PELI1: variants seen among roughly 807,000 people sequenced by gnomAD.
PELI1 encodes the protein pellino E3 ubiquitin protein ligase 1.
In PELI1, 15 loss-of-function variants were observed where a neutral mutation model predicts 41.3. The ratio of observed to expected loss-of-function variants is 0.36; its 90% CI spans 0.24 to 0.56. PELI1 has a LOEUF of 0.56. Among genes scored for constraint, PELI1 ranks in the 20% least tolerant of loss-of-function variants. PELI1 has a pLI of 0.82. For synonymous variants in PELI1, 178 were observed against 180.1 expected (o/e 0.99, Z 0.09); for missense variants, 403 against 525.5 (o/e 0.77, Z 2.28).
chr2:64,117,111 G>C (rs1681022105), intron 1 of PELI1, among the ~76,000 whole-genome samples: 1 of 151,802 alleles, frequency 6.6e-6, no homozygotes, highest in Non-Finnish European at 1.5e-5. Context: ...CTATTTCCTG[G>C]GACACAATAT....
chr2:64,095,128 T>A lies in PELI1; in HGVS notation c.831A>T (p.Ala277=), dbSNP rs774199428. ...HLEALRQEIN[A]ARPQCPVGFN... is the part of the protein sequence containing the mutation. The stretch of plus-strand genomic sequence containing the variant: ...ACCCTACAGGGCACTGAGGTCGTGC[T>A]GCATTGATTTCCTGTCTTAAAGCTT... Residue 277 remains alanine, a synonymous_variant, in exon 7 of 7, where the codon GCA becomes GCT. Transcript: ENST00000358912. The A allele has an allele frequency of 6.2e-7, 1 of 1,614,226 alleles. No individual in the cohort carries two copies. Among genetic ancestry groups the A allele is most frequent in the Admixed American group, 1.7e-5 (1 of 60,034 alleles).
chr2:64,112,729 C>T (rs1466705340), intron 1 of PELI1, among the ~76,000 whole-genome samples: 1 of 151,976 alleles, frequency 6.6e-6, no homozygotes, highest in Non-Finnish European at 1.5e-5. Flanking sequence ...ATAAATGACC[C>T]AAGATAGTTT....
rs1682025413 is a variant in PELI1 at position 64,144,129 on chromosome 2, G to A, written c.-118C>T. The A allele has an allele frequency of 6.6e-6, 1 of 152,088 alleles. No homozygotes were observed. The highest frequency in any genetic ancestry group is 6.5e-5 in the Admixed American group (1 of 15,286). 9.4% of individuals were successfully genotyped at this position (152,088 alleles called of 1,614,324 possible). A position where few individuals can be genotyped will look rare whatever the true frequency, so the allele number is the denominator to read the frequency against. ...TCCCAGAGCGGCCCCCGAGACCCGA[G>A]GCGAGAGGGTGAAGTGTTGTGCGCG... On this transcript the variant is annotated 5_prime_UTR_variant, in exon 1 of 7. Transcript: ENST00000358912.
intron 1 of PELI1, among the ~76,000 whole-genome samples, chr2:64,142,185 A>G (rs72893175): frequency 0.023 from 3,473 of 152,254 alleles, 113 homozygotes; most frequent in African/African-American, 0.077. Flanking sequence ...TAACCACTTC[A>G]CTACATGCAA....
Position 64,096,830 on chromosome 2 carries a change from C to T in PELI1, c.304-220G>A, listed in dbSNP as rs141465563. Among the ~76,000 whole-genome samples the T allele has an allele frequency of 1.2e-4, 19 of 152,272 alleles. No homozygotes were observed. The East Asian group carries it at 3.7e-3, about 29-fold the overall frequency. ...GAGCATGGAATTAAATGAGAACTTA[C>T]AATAATATACGAAACCCTTAGGGAA... On this transcript the variant is annotated intron_variant, in intron 4 of 6. Transcript: ENST00000358912.
chr2:64,125,784 G>A (rs531366315), intron 1 of PELI1, among the ~76,000 whole-genome samples: 1 of 152,262 alleles, frequency 6.6e-6, no homozygotes, highest in East Asian at 1.9e-4. Flanking sequence ...ATCTGAATCC[G>A]CAAAATGCTC....
intron 4 of PELI1, among the ~76,000 whole-genome samples, chr2:64,097,173 T>A (rs563771306): frequency 6.6e-6 from 1 of 152,330 alleles, no homozygotes. Context: ...GTATACTTCA[T>A]ATATTTTCTT....
At chr2:64,131,315 T>TAC (rs1456856322) in intron 1 of PELI1, among the ~76,000 whole-genome samples, 1 of 151,058 alleles carries the variant, frequency 6.6e-6, no homozygotes, top group East Asian at 1.9e-4. Context: ...TATATATATA[T>TAC]ACACACATAT....
Position 64,095,057 on chromosome 2 carries a change from T to C in PELI1, c.902A>G (p.Asp301Gly). 6.2e-7 allele frequency: 1 copy of C among 1,614,250 alleles called. No homozygotes were observed. Among genetic ancestry groups the C allele is most frequent in the Non-Finnish European group, 8.5e-7 (1 of 1,180,022 alleles). ...TAGATATACCCATGGTTGTTTTTCA[T>C]CTACAACGTCTTTCCTCTTCATACT... is the stretch of plus-strand genomic sequence containing the variant. ...FPSMKRKDVV[D>G]EKQPWVYLNC... is the part of the protein sequence containing the mutation. The change falls in exon 7 of 7, where the codon GAT becomes GGT. Residue 301 changes from aspartate (D) to glycine (G), a missense_variant. Physicochemically the swap from Asp to Gly is moderately conservative, Grantham distance 94 (BLOSUM62 -1). Transcript: ENST00000358912.
intron 1 of PELI1, among the ~76,000 whole-genome samples, chr2:64,124,057 G>A (rs997068398): frequency 5.3e-5 from 8 of 152,208 alleles, no homozygotes; most frequent in Non-Finnish European, 1.0e-4. Flanking sequence ...CATATTGTAT[G>A]ATTCCATTTA....
chr2:64,117,415 G>C (rs529988833), intron 1 of PELI1, among the ~76,000 whole-genome samples: 1 of 151,462 alleles, frequency 6.6e-6, no homozygotes, highest in African/African-American at 2.4e-5. Flanking sequence ...AAGAAACATT[G>C]CACTTAGTTT....
At chr2:64,095,675 C>T (rs1224116369) in intron 6 of PELI1, among the ~76,000 whole-genome samples, 1 of 151,740 alleles carries the variant, frequency 6.6e-6, no homozygotes, top group African/African-American at 2.4e-5. Flanking sequence ...TACTAAAATG[C>T]TCTTGTTGCC....
chr2:64,094,291 T>C lies in PELI1; in HGVS notation c.*411A>G, dbSNP rs1429912457. On this transcript the variant is annotated 3_prime_UTR_variant, in exon 7 of 7. Transcript: ENST00000358912. The stretch of plus-strand genomic sequence containing the variant: ...AGGTATTTTCTATAATAAAGATAAA[T>C]AGAAAAAAGTTAATATACATGTCGC... 1 of 160,248 alleles carries C rather than the reference T, an allele frequency of 6.2e-6. No individual in the cohort carries two copies. The highest frequency in any genetic ancestry group is 1.8e-4 in the East Asian group (1 of 5,472). 9.9% of individuals were successfully genotyped at this position (160,248 alleles called of 1,614,324 possible).
chr2:64,140,012 T>C (rs1681845568), intron 1 of PELI1, among the ~76,000 whole-genome samples: 1 of 152,232 alleles, frequency 6.6e-6, no homozygotes, highest in Admixed American at 6.5e-5. Flanking sequence ...TGACTGTGTT[T>C]CTTGTCAACT....
At chr2:64,106,721 T>C (rs1680633694) in intron 2 of PELI1, among the ~76,000 whole-genome samples, 1 of 152,182 alleles carries the variant, frequency 6.6e-6, no homozygotes, top group African/African-American at 2.4e-5. Flanking sequence ...CAGCTAGCAG[T>C]GCTGAACAAG....
intron 2 of PELI1, 102 bp from the exon 3 acceptor site, chr2:64,104,932 C>T (rs1680572192): frequency 1.1e-5 from 10 of 890,572 alleles, no homozygotes; most frequent in Middle Eastern, 3.4e-4. Context: ...AATTAATTAT[C>T]TATTAACACA....
At chr2:64,115,433 C>T (rs185805247) in intron 1 of PELI1, among the ~76,000 whole-genome samples, 3 of 152,270 alleles carry the variant, frequency 2.0e-5, no homozygotes, top group African/African-American at 7.2e-5. Flanking sequence ...TGGTAATTAG[C>T]CAAATGCTTT....
chr2:64,134,380 C>T (rs1681650947), intron 1 of PELI1, among the ~76,000 whole-genome samples: 1 of 152,126 alleles, frequency 6.6e-6, no homozygotes, highest in Non-Finnish European at 1.5e-5. Flanking sequence ...AGAGCCCCTC[C>T]TCAAAATTCA....
rs146973195 is a variant in PELI1 at position 64,132,558 on chromosome 2, T to C, written c.-70+11523A>G. Reference sequence around the variant, plus strand: ...AGTTTTCTTCTTATTAAAGACTCTATTATACTACCTTAGCTTTAACTTGAA... The same window carrying C: ...AGTTTTCTTCTTATTAAAGACTCTACTATACTACCTTAGCTTTAACTTGAA... On this transcript the variant is annotated intron_variant, in intron 1 of 6. Coordinates refer to ENST00000358912, the MANE Select transcript of PELI1 (RefSeq NM_020651.4). Among the ~76,000 whole-genome samples the C allele has an allele frequency of 2.0e-5, 3 of 152,306 alleles. No individual in the cohort carries two copies. In the East Asian group the frequency reaches 5.8e-4, roughly 29 times the overall value.
Sources: allele counts gnomAD v4.1 joint callset (sites outside exome capture counted in the v4.1 genomes callset), GRCh38; gene constraint gnomAD v4.1.1; transcripts MANE v1.5; gene names NCBI Gene and HGNC (gene_info 2026-07-23, HGNC 2026-07-21).